Variants in POLR3B observed in about 807,000 individuals in gnomAD.
POLR3B encodes RNA polymerase III subunit B.
POLR3B carries 96 observed loss-of-function variants against 147.4 expected under a neutral mutation model. The ratio of observed to expected loss-of-function variants is 0.65; its 90% confidence interval spans 0.55 to 0.77. The LOEUF (loss-of-function observed/expected upper bound fraction) is 0.77. Among genes scored for constraint, POLR3B ranks in the 30% least tolerant of loss-of-function variants. POLR3B has a pLI of 0.00. For synonymous variants in POLR3B, 461 were observed against 485.9 expected (o/e 0.95, Z 0.67); for missense variants, 1,036 against 1,413.5 (o/e 0.73, Z 4.28).
intron 22 of POLR3B, among the ~76,000 whole-genome samples, chr12:106,462,902 T>C (rs2037959833): frequency 6.6e-6 from 1 of 152,052 alleles, no homozygotes; most frequent in Admixed American, 6.6e-5. Flanking sequence ...ACTATCTCCT[T>C]TGAGCCTCTC....
chr12:106,418,632 G>A (rs61943693), intron 12 of POLR3B, among the ~76,000 whole-genome samples: 20,085 of 152,142 alleles, frequency 0.13, 1,668 homozygotes, highest in South Asian at 0.19. Flanking sequence ...TGAGCTGTCA[G>A]CATTTTTCCC....
chr12:106,377,609 A>G (rs1279424308), intron 7 of POLR3B, among the ~76,000 whole-genome samples: 1 of 152,240 alleles, frequency 6.6e-6, no homozygotes, highest in Non-Finnish European at 1.5e-5. Flanking sequence ...ATTTGAGCTT[A>G]TATTGAAAAT....
At chr12:106,508,479 T>A (rs879634400) in intron 27 of POLR3B, among the ~76,000 whole-genome samples, 6 of 152,202 alleles carry the variant, frequency 3.9e-5, no homozygotes, top group Admixed American at 6.5e-5. Context: ...GTTTTCTACC[T>A]GTTAAGAGTC....
At chr12:106,393,268 TG>T in intron 10 of POLR3B, 115 bp downstream of exon 10, 1 of 1,397,884 alleles carries the variant, frequency 7.2e-7, no homozygotes, top group Non-Finnish European at 1.0e-6. Flanking sequence ...GGAAAGGTAT[TG>T]GGGAGATATG....
chr12:106,432,961 T>A (rs2037529355), intron 15 of POLR3B, among the ~76,000 whole-genome samples: 6 of 152,188 alleles, frequency 3.9e-5, no homozygotes, highest in Admixed American at 3.9e-4. Context: ...TCCTTCGAAG[T>A]CTTCCAGAGA....
intron 10 of POLR3B, among the ~76,000 whole-genome samples, chr12:106,393,491 T>TTGTGTGTGTGTGTGTGTGTG (rs71072674): frequency 1.4e-5 from 2 of 141,380 alleles, no homozygotes; most frequent in African/African-American, 5.4e-5. Flanking sequence ...TGTACAGGTT[T>TTGTGTGTGTGTGTGTGTGTG]TGTGTGTGTG....
At chr12:106,469,640 G>C (rs891874810) in intron 23 of POLR3B, among the ~76,000 whole-genome samples, 1 of 152,120 alleles carries the variant, frequency 6.6e-6, no homozygotes, top group Non-Finnish European at 1.5e-5. Context: ...TGTAAGGCAG[G>C]CCTGGTGGTG....
chr12:106,369,741 A>T, intron 6 of POLR3B, 58 bp downstream of exon 6: 1 of 1,087,268 alleles, frequency 9.2e-7, no homozygotes, highest in Non-Finnish European at 1.4e-6. Flanking sequence ...CCATGATGTG[A>T]TCCCATTTCC....
At chr12:106,389,870 G>A (rs1272510598) in intron 9 of POLR3B, among the ~76,000 whole-genome samples, 1 of 152,166 alleles carries the variant, frequency 6.6e-6, no homozygotes, top group East Asian at 1.9e-4. Context: ...AATGGCCTCT[G>A]CACCCCGGTC....
At chr12:106,462,443 C>T (rs2037951456) in intron 22 of POLR3B, among the ~76,000 whole-genome samples, 1 of 152,098 alleles carries the variant, frequency 6.6e-6, no homozygotes, top group Non-Finnish European at 1.5e-5. Flanking sequence ...AGATGGGTTT[C>T]ACATGTTAGG....
chr12:106,443,186 CT>C (rs2037675563), intron 18 of POLR3B, among the ~76,000 whole-genome samples: 1 of 152,136 alleles, frequency 6.6e-6, no homozygotes, highest in Admixed American at 6.5e-5. Context: ...CTATTTTACA[CT>C]TTTTTTCCTA....
intron 12 of POLR3B, among the ~76,000 whole-genome samples, chr12:106,423,295 A>T (rs1419860198): frequency 6.6e-6 from 1 of 152,206 alleles, no homozygotes; most frequent in Non-Finnish European, 1.5e-5. Flanking sequence ...TTCTGTAAAT[A>T]CTTAAAAATG....
chr12:106,382,331 G>A (rs976960500), intron 9 of POLR3B, among the ~76,000 whole-genome samples: 14 of 152,128 alleles, frequency 9.2e-5, no homozygotes, highest in African/African-American at 3.4e-4. Context: ...GGCTGAATAG[G>A]AATGATGATA....
chr12:106,448,602 A>T (rs775411741), intron 19 of POLR3B, among the ~76,000 whole-genome samples: 2 of 151,222 alleles, frequency 1.3e-5, no homozygotes, highest in Non-Finnish European at 2.9e-5. Flanking sequence ...ATGCCCAGCT[A>T]ATTTTTTTTT....
intron 9 of POLR3B, among the ~76,000 whole-genome samples, chr12:106,391,974 A>G (rs2036920289): frequency 6.6e-6 from 1 of 152,168 alleles, no homozygotes; most frequent in African/African-American, 2.4e-5. Context: ...GAAGCTGACT[A>G]TTACTCTTCC....
intron 23 of POLR3B, among the ~76,000 whole-genome samples, chr12:106,488,988 C>T (rs931672468): frequency 5.4e-4 from 82 of 152,154 alleles, no homozygotes; most frequent in Admixed American, 3.7e-3. Context: ...GAGGAAAAAG[C>T]GGACTCCTTT....
At chr12:106,423,598 T>C (rs1271927995) in intron 12 of POLR3B, among the ~76,000 whole-genome samples, 1 of 152,140 alleles carries the variant, frequency 6.6e-6, no homozygotes, top group Admixed American at 6.5e-5. Flanking sequence ...AGAAAATGGG[T>C]GTCTCAGCTC....
chr12:106,471,185 T>C (rs1470686049), intron 23 of POLR3B, among the ~76,000 whole-genome samples: 1 of 152,194 alleles, frequency 6.6e-6, no homozygotes, highest in Non-Finnish European at 1.5e-5. Context: ...TGCCCCTGCC[T>C]CTGCCACACT....
In POLR3B at chr12:106,463,408, A is replaced by G; in HGVS notation, c.2571-70A>G. ...CTCTATGGTAGGCATGAAATGAAATATAACATGGGTGAGAAGTTCACAAAG... is the reference window on the plus strand; with the variant it reads ...CTCTATGGTAGGCATGAAATGAAATGTAACATGGGTGAGAAGTTCACAAAG... On this transcript the variant is annotated intron_variant, in intron 22 of 27. Coordinates refer to ENST00000228347, the MANE Select transcript of POLR3B (RefSeq NM_018082.6). 3 of 1,367,300 alleles carry G rather than the reference A, an allele frequency of 2.2e-6. No individual in the cohort carries two copies. In the South Asian group the frequency reaches 3.6e-5, roughly 16 times the overall value. 84.7% of individuals were successfully genotyped at this position (1,367,300 alleles called of 1,614,324 possible).
Sources: gnomAD v4.1 joint callset for allele counts (sites outside exome capture counted in the v4.1 genomes callset) on GRCh38, gnomAD v4.1.1 for gene constraint, MANE v1.5 for transcripts, NCBI Gene and HGNC (gene_info 2026-07-23, HGNC 2026-07-21) for gene names.